Variants in SNX29 observed in about 807,000 individuals in gnomAD.
SNX29 encodes the protein sorting nexin-29.
In SNX29, 78 loss-of-function variants were observed where a neutral mutation model predicts 102.1. The observed-to-expected ratio is 0.76, with a 90% confidence interval of 0.64 to 0.92. SNX29 has a LOEUF of 0.92. Among genes scored for constraint, SNX29 ranks in the 40% least tolerant of loss-of-function variants. The pLI is 0.00. For synonymous variants in SNX29, 580 were observed against 414.5 expected, an observed-to-expected ratio of 1.40 and a Z score of -4.85; for missense variants, 1,280 against 1,061.7, an observed-to-expected ratio of 1.21 and a Z score of -2.86.
At chr16:12,307,332 G>C (rs1177102149) in intron 15 of SNX29, among the ~76,000 whole-genome samples, 1 of 152,200 alleles carries the variant, frequency 6.6e-6, no homozygotes, top group East Asian at 1.9e-4. Context: ...TAGATGGTGA[G>C]TGCGGTTGTT....
At chr16:12,109,817 G>A (rs1003555175) in intron 11 of SNX29, among the ~76,000 whole-genome samples, 2 of 151,760 alleles carry the variant, frequency 1.3e-5, no homozygotes, top group South Asian at 2.1e-4. Flanking sequence ...TGCAACCTCC[G>A]CCTCACAGGT....
At chr16:12,223,053 C>T (rs1014204569) in intron 14 of SNX29, among the ~76,000 whole-genome samples, 1 of 152,174 alleles carries the variant, frequency 6.6e-6, no homozygotes, top group South Asian at 2.1e-4. Context: ...CTCTTGTCTC[C>T]TTTTGACACT....
chr16:12,266,785 A>T (rs1248188018), intron 14 of SNX29, among the ~76,000 whole-genome samples: 2 of 149,646 alleles, frequency 1.3e-5, no homozygotes, highest in African/African-American at 4.9e-5. Flanking sequence ...TTTCTTTGAG[A>T]TGGAGTCTTG....
At chr16:12,512,643 C>T (rs117637333) in intron 19 of SNX29, among the ~76,000 whole-genome samples, 1,781 of 151,890 alleles carry the variant, frequency 0.012, 24 homozygotes, top group Non-Finnish European at 0.02. Flanking sequence ...GATACGCAGG[C>T]GGTTGATGGA....
chr16:12,084,509 T>A (rs537328645), intron 11 of SNX29, among the ~76,000 whole-genome samples: 1 of 152,304 alleles, frequency 6.6e-6, no homozygotes, highest in South Asian at 2.1e-4. Flanking sequence ...GCAGGTAGGT[T>A]CCCAGTTCTT....
At chr16:12,458,925 T>G (rs954027236) in intron 18 of SNX29, among the ~76,000 whole-genome samples, 1 of 152,230 alleles carries the variant, frequency 6.6e-6, no homozygotes, top group Non-Finnish European at 1.5e-5. Context: ...TACCTTGAGC[T>G]GGCTAAAACA....
chr16:12,027,233 G>T, intron 3 of SNX29, 87 bp from the exon 4 acceptor site: 11 of 1,553,360 alleles, frequency 7.1e-6, no homozygotes, highest in Non-Finnish European at 9.6e-6. Context: ...ACACCTGGCG[G>T]CTTACTCACT....
At chr16:12,189,931 G>T (rs2076601227) in intron 13 of SNX29, among the ~76,000 whole-genome samples, 1 of 151,984 alleles carries the variant, frequency 6.6e-6, no homozygotes, top group South Asian at 2.1e-4. Context: ...TTTAATCCCA[G>T]TCCAACATCA....
At chr16:12,258,729 C>T (rs2078646761) in intron 14 of SNX29, among the ~76,000 whole-genome samples, 1 of 152,140 alleles carries the variant, frequency 6.6e-6, no homozygotes, top group Non-Finnish European at 1.5e-5. Context: ...GCCTTTCCAT[C>T]TTAGTAGCTC....
chr16:12,370,636 A>T (rs1268361849), intron 16 of SNX29, among the ~76,000 whole-genome samples: 1 of 152,186 alleles, frequency 6.6e-6, no homozygotes, highest in East Asian at 1.9e-4. Flanking sequence ...TGGGCGAGGC[A>T]CTGAGCAGCA....
In SNX29 at chr16:12,027,295, T is replaced by G. The variant is rs769187888; in HGVS notation, c.123-25T>G. ...TTGCTACTCCCTTTTCTGGGGGGACTGATGAGTCATTGGTTTTCTCACAGG... is the reference window on the plus strand; with the variant it reads ...TTGCTACTCCCTTTTCTGGGGGGACGGATGAGTCATTGGTTTTCTCACAGG... On this transcript the variant is annotated intron_variant, in intron 3 of 20. Transcript: ENST00000566228. The G allele has an allele frequency of 3.1e-6, 5 of 1,612,578 alleles. No homozygotes were observed. In the Admixed American group the frequency reaches 8.3e-5, roughly 27 times the overall value.
At chr16:12,431,476 G>A (rs1383685700) in intron 18 of SNX29, among the ~76,000 whole-genome samples, 2 of 114,722 alleles carry the variant, frequency 1.7e-5, no homozygotes, top group East Asian at 4.9e-4. Flanking sequence ...TTTTTGCATT[G>A]AAGTTATTGA....
intron 14 of SNX29, among the ~76,000 whole-genome samples, chr16:12,251,952 G>A (rs984601331): frequency 6.6e-6 from 1 of 151,994 alleles, no homozygotes; most frequent in Admixed American, 6.5e-5. Flanking sequence ...TTAGAGATGA[G>A]GTCCTGCTAT....
At chr16:12,403,295 T>C (rs1009296433) in intron 17 of SNX29, among the ~76,000 whole-genome samples, 153 bp from the exon 18 acceptor site, 4 of 151,850 alleles carry the variant, frequency 2.6e-5, no homozygotes, top group Non-Finnish European at 5.9e-5. Context: ...ACTTGTCCTT[T>C]AGCTTGCCAT....
chr16:12,094,176 GAACT>G (rs1180757874), intron 11 of SNX29, among the ~76,000 whole-genome samples: 16 of 152,084 alleles, frequency 1.1e-4, no homozygotes, highest in African/African-American at 2.4e-5. Context: ...AGGATTAAAT[GAACT>G]AACAGATGGA....
chr16:12,312,693 G>A (rs2080598989), intron 15 of SNX29, among the ~76,000 whole-genome samples: 1 of 742 alleles, frequency 1.3e-3, no homozygotes, highest in Non-Finnish European at 0.016. Flanking sequence ...GGACAGAGGG[G>A]GAAGAGCTTC....
chr16:12,204,546 A>T (rs1427266442), intron 14 of SNX29, among the ~76,000 whole-genome samples: 1 of 152,208 alleles, frequency 6.6e-6, no homozygotes, highest in Non-Finnish European at 1.5e-5. Context: ...TCTCCTCGGC[A>T]TCCCCATTTA....
chr16:12,131,019 G>C (rs757592825), intron 13 of SNX29, among the ~76,000 whole-genome samples: 3 of 152,118 alleles, frequency 2.0e-5, no homozygotes, highest in African/African-American at 7.2e-5. Flanking sequence ...AATATTCCTG[G>C]AAGTAGGATT....
chr16:12,157,953 T>G (rs1180691321), intron 13 of SNX29, among the ~76,000 whole-genome samples: 1 of 152,222 alleles, frequency 6.6e-6, no homozygotes, highest in African/African-American at 2.4e-5. Flanking sequence ...TGCTTCATCC[T>G]TTGTGTTTTC....
Sources: gnomAD v4.1 joint callset for allele counts (sites outside exome capture counted in the v4.1 genomes callset) on GRCh38, gnomAD v4.1.1 for gene constraint, MANE v1.5 for transcripts, NCBI Gene and HGNC (gene_info 2026-07-23, HGNC 2026-07-21) for gene names.